NCAM2: variants seen among roughly 807,000 people sequenced by gnomAD.
NCAM2 encodes the protein N-CAM-2.
Under a neutral mutation model 98.1 loss-of-function variants are expected in NCAM2, and 30 were observed. That is an observed-to-expected ratio of 0.31 (90% confidence interval 0.23 to 0.41). The LOEUF (loss-of-function observed/expected upper bound fraction) is 0.41, where lower values mean the gene tolerates loss of function less well. NCAM2 is among the 10% of genes least tolerant of loss of function. The pLI is 1.00. For synonymous variants in NCAM2, 368 were observed against 342.4 expected, an observed-to-expected ratio of 1.07 and a Z score of -0.83; for missense variants, 867 against 1,005.8, an observed-to-expected ratio of 0.86 and a Z score of 1.87.
intron 6 of NCAM2, among the ~76,000 whole-genome samples, chr21:21,329,922 G>C (rs1309139719): frequency 6.6e-6 from 1 of 151,900 alleles, no homozygotes; most frequent in Non-Finnish European, 1.5e-5. Context: ...CTTTTAAATG[G>C]TATTTACTGG....
chr21:21,382,471 T>C (rs2408076), intron 9 of NCAM2, among the ~76,000 whole-genome samples: 2 of 152,010 alleles, frequency 1.3e-5, no homozygotes, highest in African/African-American at 4.8e-5. Flanking sequence ...CATCATCTCG[T>C]TTCTGCTGGT....
At chr21:21,090,241 T>G (rs2065985865) in intron 1 of NCAM2, among the ~76,000 whole-genome samples, 1 of 152,172 alleles carries the variant, frequency 6.6e-6, no homozygotes, top group African/African-American at 2.4e-5. Context: ...ATATGCTGAC[T>G]TTTTAAAATA....
chr21:21,456,237 A>C (rs8127224), intron 12 of NCAM2, among the ~76,000 whole-genome samples: 61,012 of 152,014 alleles, frequency 0.4, 13,771 homozygotes, highest in Non-Finnish European at 0.51. Flanking sequence ...GAAATGACAG[A>C]ATATGCTGGC....
chr21:21,215,089 T>A (rs2069837646), intron 1 of NCAM2, among the ~76,000 whole-genome samples: 1 of 152,074 alleles, frequency 6.6e-6, no homozygotes, highest in African/African-American at 2.4e-5. Context: ...ACTGATCATT[T>A]TATTTGTGAT....
intron 1 of NCAM2, among the ~76,000 whole-genome samples, chr21:21,228,840 C>T (rs2070499527): frequency 6.6e-6 from 1 of 151,360 alleles, no homozygotes; most frequent in Admixed American, 6.6e-5. Context: ...AAAATCCAGA[C>T]AAAGTATGGC....
At chr21:21,473,046 T>C (rs1984657628) in intron 14 of NCAM2, among the ~76,000 whole-genome samples, 1 of 151,402 alleles carries the variant, frequency 6.6e-6, no homozygotes, top group Admixed American at 6.6e-5. Flanking sequence ...AATTCGGTGT[T>C]TTAAATTTAA....
intron 1 of NCAM2, among the ~76,000 whole-genome samples, chr21:21,152,271 A>AT (rs1382612439): frequency 6.6e-6 from 1 of 151,706 alleles, no homozygotes; most frequent in Non-Finnish European, 1.5e-5. Flanking sequence ...GTTCCGTTTT[A>AT]TTTTTTCCCA....
chr21:21,101,480 G>A lies in NCAM2; in HGVS notation c.55+102862G>A, dbSNP rs113547641. Among the ~76,000 whole-genome samples the A allele has an allele frequency of 4.3e-4, 66 of 152,146 alleles. 1 individual carries two copies. Among genetic ancestry groups the A allele is most frequent in the African/African-American group, 1.5e-3 (62 of 41,548 alleles). On this transcript the variant is annotated intron_variant, in intron 1 of 17. Transcript: ENST00000400546. ...ATACTCTCATAAGAATCAAGGTAGA[G>A]TCAACATAAGTAACTGGTTTTCTGC...
chr21:21,500,803 A>G (rs1987579894), intron 15 of NCAM2, among the ~76,000 whole-genome samples: 1 of 152,100 alleles, frequency 6.6e-6, no homozygotes, highest in Admixed American at 6.6e-5. Context: ...TGTAGAAGAT[A>G]GGAAGTTTTG....
chr21:21,303,759 T>G (rs566906322), intron 5 of NCAM2, among the ~76,000 whole-genome samples: 1 of 152,270 alleles, frequency 6.6e-6, no homozygotes, highest in East Asian at 1.9e-4. Flanking sequence ...GGTATTTCAC[T>G]TGCTCCACAT....
intron 1 of NCAM2, among the ~76,000 whole-genome samples, chr21:21,059,758 A>G (rs1005382890): frequency 3.9e-5 from 6 of 152,056 alleles, no homozygotes; most frequent in Admixed American, 3.9e-4. Flanking sequence ...GTCTAGAGAC[A>G]TTTTTGGTTG....
chr21:21,153,562 G>A (rs2067513054), intron 1 of NCAM2, among the ~76,000 whole-genome samples: 1 of 151,906 alleles, frequency 6.6e-6, no homozygotes, highest in Non-Finnish European at 1.5e-5. Context: ...ATTTTAAGTA[G>A]TGGAAAAGCA....
intron 1 of NCAM2, among the ~76,000 whole-genome samples, chr21:21,094,431 A>G (rs1014634605): frequency 2.6e-5 from 4 of 151,826 alleles, no homozygotes; most frequent in Non-Finnish European, 4.4e-5. Flanking sequence ...ATCTTTGAGC[A>G]TTTTTGGTTA....
At chr21:21,055,338 C>A (rs1202794209) in intron 1 of NCAM2, among the ~76,000 whole-genome samples, 1 of 152,044 alleles carries the variant, frequency 6.6e-6, no homozygotes, top group Non-Finnish European at 1.5e-5. Context: ...GCCCACTGGG[C>A]ACCTTTAAAG....
At chr21:21,410,031 G>T (rs1046662929) in intron 9 of NCAM2, among the ~76,000 whole-genome samples, 1 of 152,086 alleles carries the variant, frequency 6.6e-6, no homozygotes, top group Non-Finnish European at 1.5e-5. Flanking sequence ...TACTCAGAAG[G>T]CTGAAGCAGG....
intron 1 of NCAM2, among the ~76,000 whole-genome samples, chr21:21,175,045 A>G (rs2068237549): frequency 6.6e-6 from 1 of 152,148 alleles, no homozygotes; most frequent in African/African-American, 2.4e-5. Context: ...ACAGTAATAA[A>G]GTTTTTTTTT....
intron 1 of NCAM2, among the ~76,000 whole-genome samples, chr21:21,184,671 A>G (rs893291492): frequency 2.0e-5 from 3 of 152,140 alleles, no homozygotes; most frequent in African/African-American, 4.8e-5. Context: ...TAATATTCAA[A>G]TAACAGTGTC....
intron 1 of NCAM2, among the ~76,000 whole-genome samples, chr21:21,123,480 A>G (rs376328006): frequency 2.0e-5 from 3 of 152,106 alleles, no homozygotes; most frequent in East Asian, 3.9e-4. Flanking sequence ...TCGTCTGTTA[A>G]TACCCATTCG....
At chr21:21,074,784 T>C (rs2065644894) in intron 1 of NCAM2, among the ~76,000 whole-genome samples, 1 of 152,166 alleles carries the variant, frequency 6.6e-6, no homozygotes, top group Admixed American at 6.6e-5. Context: ...TAGATTTTTG[T>C]GACAGAATCA....
Sources: gnomAD v4.1 joint callset for allele counts (sites outside exome capture counted in the v4.1 genomes callset) on GRCh38, gnomAD v4.1.1 for gene constraint, MANE v1.5 for transcripts, NCBI Gene and HGNC (gene_info 2026-07-23, HGNC 2026-07-21) for gene names.